The following HTR2C variants were observed in gnomAD, a reference collection of about 807,000 sequenced individuals.
HTR2C encodes the protein 5-hydroxytryptamine receptor 2C, also known as 5-hydroxytryptamine (serotonin) receptor 2C, G protein-coupled.
A neutral mutation model predicts 21.0 loss-of-function variants in HTR2C; 5 were observed. That is an observed-to-expected ratio of 0.24 (90% CI 0.12 to 0.50). The LOEUF is 0.50. Among genes scored for constraint, HTR2C ranks in the 20% least tolerant of loss-of-function variants. The pLI is 0.98. For missense variants in HTR2C, 271 were observed against 371.2 expected (o/e 0.73, Z 2.22); for synonymous variants, 150 against 145.3 (o/e 1.03, Z -0.23).
chrX:114,648,149 A>G (rs782529214), intron 2 of HTR2C, among the ~76,000 whole-genome samples: 40 of 111,669 alleles, frequency 3.6e-4, no homozygotes, highest in Non-Finnish European at 6.4e-4. Flanking sequence ...ATCTAATGTA[A>G]TAAAACTTGA....
chrX:114,635,369 A>C (rs1486297865), intron 2 of HTR2C, among the ~76,000 whole-genome samples: 1 of 112,052 alleles, frequency 8.9e-6, no homozygotes, highest in East Asian at 2.8e-4. Flanking sequence ...GCTGTACTAA[A>C]AGACATTGTG....
intron 5 of HTR2C, among the ~76,000 whole-genome samples, chrX:114,852,449 G>A (rs182597268): frequency 2.2e-4 from 24 of 108,999 alleles, no homozygotes; most frequent in Admixed American, 1.7e-3. Flanking sequence ...ACAAATACAC[G>A]TATTGTTATT....
intron 5 of HTR2C, among the ~76,000 whole-genome samples, chrX:114,864,900 C>CTTTTTTTTTTTT (rs71947180): frequency 1.2e-5 from 1 of 84,735 alleles, no homozygotes; most frequent in African/African-American, 4.1e-5. Flanking sequence ...TTTTCTTTTT[C>CTTTTTTTTTTTT]TTTTTTTTTT....
intron 4 of HTR2C, among the ~76,000 whole-genome samples, chrX:114,833,692 C>T (rs1272842491): frequency 9.0e-6 from 1 of 110,737 alleles, no homozygotes; most frequent in Non-Finnish European, 1.9e-5. Flanking sequence ...TTTTGTGTCT[C>T]TATTTCCTTC....
At chrX:114,588,448 C>A (rs1927494270) in intron 1 of HTR2C, among the ~76,000 whole-genome samples, 1 of 111,438 alleles carries the variant, frequency 9.0e-6, no homozygotes, top group Non-Finnish European at 1.9e-5. Flanking sequence ...CAACAGCCAC[C>A]ATATATGGGT....
At chrX:114,670,009 C>A (rs144229998) in intron 2 of HTR2C, among the ~76,000 whole-genome samples, 2,013 of 111,279 alleles carry the variant, frequency 0.018, 53 homozygotes, top group African/African-American at 0.063. Context: ...GAGGCCAAGG[C>A]GGGAGGTTCA....
At chrX:114,729,152 C>T (rs781906322) in intron 3 of HTR2C, among the ~76,000 whole-genome samples, 5 of 111,759 alleles carry the variant, frequency 4.5e-5, no homozygotes, top group Non-Finnish European at 7.5e-5. Context: ...GAGTCCAGTT[C>T]TTCACACATA....
intron 2 of HTR2C, among the ~76,000 whole-genome samples, chrX:114,674,015 A>G (rs1556412182): frequency 8.9e-6 from 1 of 112,016 alleles, no homozygotes; most frequent in Non-Finnish European, 1.9e-5. Context: ...ATAGCTTGTT[A>G]TGGAGAGTAG....
intron 2 of HTR2C, among the ~76,000 whole-genome samples, chrX:114,694,434 AATATATATATATATATATATAT>A (rs782501990): frequency 9.2e-4 from 85 of 91,938 alleles, no homozygotes; most frequent in African/African-American, 3.2e-3. Flanking sequence ...TCCTCAACTA[AATATATATATATATATATATAT>A]ATATATATAT....
chrX:114,716,525 AT>A (rs1267700028), intron 2 of HTR2C, among the ~76,000 whole-genome samples: 1 of 111,202 alleles, frequency 9.0e-6, no homozygotes, highest in Non-Finnish European at 1.9e-5. Context: ...ACCACTTAAC[AT>A]TATCTTGGAG....
chrX:114,723,075 G>T (rs781917131), intron 2 of HTR2C, among the ~76,000 whole-genome samples: 1 of 111,215 alleles, frequency 9.0e-6, no homozygotes, highest in Non-Finnish European at 1.9e-5. Context: ...GATTGGAATA[G>T]TTTCAGAAGG....
intron 2 of HTR2C, among the ~76,000 whole-genome samples, chrX:114,621,280 G>A (rs1176672638): frequency 9.0e-6 from 1 of 111,415 alleles, no homozygotes; most frequent in African/African-American, 3.3e-5. Flanking sequence ...AAAAGAGCTA[G>A]ATGATAAATA....
intron 1 of HTR2C, among the ~76,000 whole-genome samples, chrX:114,597,894 A>G (rs1325007449): frequency 8.9e-6 from 1 of 112,031 alleles, no homozygotes; most frequent in Non-Finnish European, 1.9e-5. Flanking sequence ...TAAGATTGAT[A>G]TTTACCTGGG....
At chrX:114,686,878 A>G in intron 2 of HTR2C, among the ~76,000 whole-genome samples, 1 of 111,138 alleles carries the variant, frequency 9.0e-6, no homozygotes, top group Non-Finnish European at 1.9e-5. Flanking sequence ...TAATACAAAG[A>G]CTCATGAATT....
chrX:114,593,502 T>C (rs1927714463), intron 1 of HTR2C, among the ~76,000 whole-genome samples: 1 of 112,119 alleles, frequency 8.9e-6, no homozygotes, highest in South Asian at 3.7e-4. Flanking sequence ...TTGAGTCTTA[T>C]CTTTCCTACT....
At chrX:114,745,674 CAT>C (rs1211406144) in intron 4 of HTR2C, among the ~76,000 whole-genome samples, 1 of 111,747 alleles carries the variant, frequency 8.9e-6, no homozygotes, top group Non-Finnish European at 1.9e-5. Context: ...AACTGGGGGT[CAT>C]TATGTTAAGT....
intron 1 of HTR2C, among the ~76,000 whole-genome samples, chrX:114,612,481 A>C (rs1928780236): frequency 8.9e-6 from 1 of 112,159 alleles, no homozygotes; most frequent in Non-Finnish European, 1.9e-5. Flanking sequence ...GCTAATATTT[A>C]TTTCAGTCTT....
intron 3 of HTR2C, among the ~76,000 whole-genome samples, chrX:114,731,016 G>C (rs185325351): frequency 9.0e-6 from 1 of 111,492 alleles, no homozygotes; most frequent in Admixed American, 9.6e-5. Flanking sequence ...CTGACATCAT[G>C]AGGTTGTTTA....
chrX:114,703,463 G>T (rs1381863729), intron 2 of HTR2C, among the ~76,000 whole-genome samples: 3 of 110,827 alleles, frequency 2.7e-5, no homozygotes, highest in African/African-American at 9.8e-5. Context: ...AATGACTACT[G>T]GGTACATAAG....
Sources: allele counts gnomAD v4.1 joint callset (sites outside exome capture counted in the v4.1 genomes callset), GRCh38; gene constraint gnomAD v4.1.1; transcripts MANE v1.5; gene names NCBI Gene and HGNC (gene_info 2026-07-23, HGNC 2026-07-21).